Variants in SLIT1 observed in about 807,000 individuals in gnomAD.
SLIT1 encodes slit guidance ligand 1.
In SLIT1, 66 loss-of-function variants were observed where a neutral mutation model predicts 186.1. That is an observed-to-expected ratio of 0.35 (90% confidence interval 0.29 to 0.44). SLIT1 has a LOEUF of 0.44. Ranked by LOEUF, SLIT1 falls within the 20% of genes least tolerant of loss-of-function variation. The pLI is 1.00. For synonymous variants in SLIT1, 761 were observed against 833.8 expected, an observed-to-expected ratio of 0.91 and a Z score of 1.50; for missense variants, 1,638 against 2,037.4, an observed-to-expected ratio of 0.80 and a Z score of 3.77.
At chr10:97,106,791 C>G (rs552495856) in intron 4 of SLIT1, among the ~76,000 whole-genome samples, 1 of 152,196 alleles carries the variant, frequency 6.6e-6, no homozygotes, top group Non-Finnish European at 1.5e-5. Context: ...GAGGGCTGTG[C>G]TGGCAGAGTT....
intron 1 of SLIT1, among the ~76,000 whole-genome samples, chr10:97,176,659 T>A (rs1254733486): frequency 3.9e-5 from 6 of 152,154 alleles, no homozygotes; most frequent in African/African-American, 1.4e-4. Context: ...TCCTTGGACC[T>A]CCTCCTCAGA....
At chr10:97,114,134 A>T (rs1441039643) in intron 4 of SLIT1, among the ~76,000 whole-genome samples, 1 of 152,198 alleles carries the variant, frequency 6.6e-6, no homozygotes, top group African/African-American at 2.4e-5. Context: ...ACCACGTCAC[A>T]GTGTAACTGT....
At chr10:97,063,370 T>C in intron 8 of SLIT1, 85 bp downstream of exon 8, 2 of 1,457,028 alleles carry the variant, frequency 1.4e-6, no homozygotes, top group Non-Finnish European at 9.6e-7. Context: ...GCAGGCCAGG[T>C]ATTAATGTCG....
Position 97,031,810 on chromosome 10 carries a change from C to T in SLIT1, c.2439-133G>A, listed in dbSNP as rs557226529. The T allele has an allele frequency of 4.4e-4, 294 of 671,582 alleles. No homozygotes were observed. In the African/African-American group the frequency reaches 4.8e-3, roughly 11 times the overall value. The allele number at this position is 671,582 out of a possible 1,614,324, so 41.6% of individuals were successfully genotyped here. On this transcript the variant is annotated intron_variant, in intron 23 of 36. Transcript: ENST00000266058. ...GCTCTGTGAGGGGAGGCAGAGCAGC[C>T]GGCAAGTGCATGGGCTGGGCTGCGC...
intron 4 of SLIT1, among the ~76,000 whole-genome samples, chr10:97,091,063 T>C (rs1309008010): frequency 6.6e-6 from 1 of 152,256 alleles, no homozygotes; most frequent in Non-Finnish European, 1.5e-5. Flanking sequence ...GCTGAGAAGA[T>C]AGCTACTCTG....
Position 97,136,320 on chromosome 10 carries a change from T to C in SLIT1, c.413+21498A>G, listed in dbSNP as rs118146093. On this transcript the variant is annotated intron_variant, in intron 4 of 36. Coordinates refer to ENST00000266058, the MANE Select transcript of SLIT1 (RefSeq NM_003061.3). ...TGTTGCTGTGAACCTAAAACTGTTCTTTAAAAATAAAGTTATTTTTTTAAG... is the reference window on the plus strand; with the variant it reads ...TGTTGCTGTGAACCTAAAACTGTTCCTTAAAAATAAAGTTATTTTTTTAAG... 7.2e-5 allele frequency among the ~76,000 whole-genome samples: 11 copies of C among 152,288 alleles called. No homozygotes were observed. In the East Asian group the frequency reaches 2.1e-3, roughly 29 times the overall value.
chr10:97,019,220 T>C (rs1848482196), intron 26 of SLIT1, 113 bp from the exon 27 acceptor site: 2 of 688,600 alleles, frequency 2.9e-6, no homozygotes, highest in Admixed American at 2.4e-5. Context: ...CCCCTCCTGA[T>C]TTTTCCCCAG....
intron 24 of SLIT1, 62 bp downstream of exon 24, chr10:97,031,544 G>A: frequency 7.5e-7 from 1 of 1,328,292 alleles, no homozygotes; most frequent in South Asian, 1.3e-5. Flanking sequence ...TGCCCACCAG[G>A]TGGGTGGCAG....
chr10:97,013,571 A>C (rs1848429033), intron 30 of SLIT1, among the ~76,000 whole-genome samples, 170 bp downstream of exon 30: 1 of 152,118 alleles, frequency 6.6e-6, no homozygotes, highest in African/African-American at 2.4e-5. Context: ...AGCTGTGCAC[A>C]TCACCCCTCC....
chr10:97,063,277 C>T lies in SLIT1; in HGVS notation c.793+178G>A, dbSNP rs187380891. Among the ~76,000 whole-genome samples the T allele has an allele frequency of 1.4e-3, 200 of 145,280 alleles. 1 individual carries two copies. Among genetic ancestry groups the T allele is most frequent in the Non-Finnish European group, 2.5e-3 (166 of 66,294 alleles). On this transcript the variant is annotated intron_variant, in intron 8 of 36. Coordinates refer to ENST00000266058, the MANE Select transcript of SLIT1 (RefSeq NM_003061.3). Reference sequence around the variant, plus strand: ...GAGGTGATGGATGGGGCAGGAGGGGCAGATAGTGGGGTCAGGAGGTGATGG... The same window carrying T: ...GAGGTGATGGATGGGGCAGGAGGGGTAGATAGTGGGGTCAGGAGGTGATGG...
chr10:97,056,206 C>T (rs1391380250), intron 13 of SLIT1, 115 bp downstream of exon 13: 5 of 1,181,134 alleles, frequency 4.2e-6, no homozygotes, highest in Non-Finnish European at 6.0e-6. Context: ...TGTAAGAGGC[C>T]ACCCCCAGTG....
intron 4 of SLIT1, among the ~76,000 whole-genome samples, chr10:97,151,518 T>C (rs1424487120): frequency 2.0e-5 from 3 of 146,526 alleles, no homozygotes; most frequent in African/African-American, 7.6e-5. Context: ...GGTTGGTAGA[T>C]GGTGGGAAGG....
intron 4 of SLIT1, among the ~76,000 whole-genome samples, chr10:97,116,984 C>A (rs1849515428): frequency 2.0e-5 from 3 of 152,278 alleles, no homozygotes; most frequent in Non-Finnish European, 4.4e-5. Flanking sequence ...AACAGGAAAG[C>A]ATATGGCTTG....
At chr10:97,062,205 A>G (rs1407805029) in intron 8 of SLIT1, among the ~76,000 whole-genome samples, 1 of 152,020 alleles carries the variant, frequency 6.6e-6, no homozygotes, top group African/African-American at 2.4e-5. Context: ...ACACAGGCAC[A>G]CACACTCATA....
rs777594457 is a variant in SLIT1, at chr10:97,002,965, G to T, written c.3893C>A (p.Ala1298Asp). ...GGMPVDVNSA[A>D]FRLWQILNGT... ...GTTGAGGATCTGCCACAGGCGGAAG[G>T]CAGCTGAGTTGACATCCACGGGCAT... The change falls in exon 35 of 37, where the codon GCC becomes GAC. Residue 1298 changes from alanine to aspartate, a missense_variant. Coordinates refer to ENST00000266058, the MANE Select transcript of SLIT1 (RefSeq NM_003061.3). 2.5e-6 allele frequency: 4 copies of T among 1,614,104 alleles called. No homozygotes were observed. Among genetic ancestry groups the T allele is most frequent in the Middle Eastern group, 3.3e-4 (2 of 6,060 alleles).
chr10:97,001,059 C>T lies in SLIT1; in HGVS notation c.*53G>A, dbSNP rs1848302385. ...CAGCTGCTGGCGACTGTCTCCGCTG[C>T]TGCAGCGGCTGGGGCCCCTTGCCCG... On this transcript the variant is annotated 3_prime_UTR_variant, in exon 37 of 37. Coordinates refer to ENST00000266058, the MANE Select transcript of SLIT1 (RefSeq NM_003061.3). 1 of 1,449,564 alleles carries T rather than the reference C, an allele frequency of 6.9e-7. No individual in the cohort carries two copies. The highest frequency in any genetic ancestry group is 9.6e-7 in the Non-Finnish European group (1 of 1,040,198). The allele number at this position is 1,449,564 out of a possible 1,614,324, so 89.8% of individuals were successfully genotyped here.
rs202142134 is a variant in SLIT1, at chr10:97,106,641, G to GT, written c.414-40556dup. ...GTAAATAAGGAAACAAATTAAAGTT[G>GT]TTTTTTTTTTTTTAAACTTGCCCAG... is the stretch of plus-strand genomic sequence containing the variant. On this transcript the variant is annotated intron_variant, in intron 4 of 36. Coordinates refer to ENST00000266058, the MANE Select transcript of SLIT1 (RefSeq NM_003061.3). Among the ~76,000 whole-genome samples the GT allele has an allele frequency of 8.2e-3, 1,206 of 146,972 alleles. 5 individuals carry two copies. The highest frequency in any genetic ancestry group is 0.018 in the Middle Eastern group (5 of 280).
intron 3 of SLIT1, among the ~76,000 whole-genome samples, chr10:97,161,402 C>T (rs1022417728): frequency 2.0e-5 from 3 of 152,234 alleles, no homozygotes; most frequent in Non-Finnish European, 4.4e-5. Flanking sequence ...GAAAGATTGC[C>T]TTGCTTTCTT....
chr10:97,141,770 T>TTGTATTGTA, intron 4 of SLIT1, among the ~76,000 whole-genome samples: 1 of 148,830 alleles, frequency 6.7e-6, no homozygotes, highest in East Asian at 2.0e-4. Context: ...TCGTATTGTA[T>TTGTATTGTA]CGTACTGTAT....
Sources: gnomAD v4.1 joint callset for allele counts (sites outside exome capture counted in the v4.1 genomes callset) on GRCh38, gnomAD v4.1.1 for gene constraint, MANE v1.5 for transcripts, NCBI Gene and HGNC (gene_info 2026-07-23, HGNC 2026-07-21) for gene names.